RABL2A: variants seen among roughly 807,000 people sequenced by gnomAD.
The protein encoded by RABL2A is RAB, member of RAS oncogene family like 2A.
In RABL2A, 17 loss-of-function variants were observed where a neutral mutation model predicts 30.7. The observed-to-expected ratio is 0.55, with a 90% CI of 0.38 to 0.83. The LOEUF is 0.83. Ranked by LOEUF, RABL2A falls within the 40% of genes least tolerant of loss-of-function variation. The pLI is 0.00. For synonymous variants in RABL2A, 64 were observed against 101.8 expected, an observed-to-expected ratio of 0.63 and a Z score of 2.24; for missense variants, 155 against 272.6, an observed-to-expected ratio of 0.57 and a Z score of 3.04.
intron 4 of RABL2A, 55 bp from the exon 5 acceptor site, chr2:113,634,996 G>A: frequency 2.5e-6 from 4 of 1,613,738 alleles, no homozygotes; most frequent in Non-Finnish European, 3.4e-6. Context: ...TTGTATCTTA[G>A]TGACTTGCAC....
intron 2 of RABL2A, among the ~76,000 whole-genome samples, chr2:113,630,422 G>T (rs1186260308): frequency 1.3e-5 from 2 of 152,162 alleles, no homozygotes; most frequent in Non-Finnish European, 2.9e-5. Context: ...GCTGTGGTGA[G>T]CTATGATTGT....
chr2:113,628,856 C>G (rs563364517), intron 2 of RABL2A, 143 bp downstream of exon 2: 4 of 1,535,580 alleles, frequency 2.6e-6, no homozygotes, highest in African/African-American at 2.7e-5. Context: ...CATGGGGGAA[C>G]GAGGGGAATC....
chr2:113,634,937 G>T (rs1681949154), intron 4 of RABL2A, 114 bp from the exon 5 acceptor site: 2 of 973,874 alleles, frequency 2.1e-6, no homozygotes, highest in Admixed American at 3.9e-5. Context: ...TTCTCCCTGT[G>T]CTCCCCATGT....
intron 2 of RABL2A, among the ~76,000 whole-genome samples, chr2:113,630,808 C>T (rs1680028619): frequency 6.6e-6 from 1 of 152,150 alleles, no homozygotes; most frequent in Non-Finnish European, 1.5e-5. Flanking sequence ...TCCTGAGCTG[C>T]CATTACAGGT....
rs2084245 is a variant in RABL2A at position 113,630,818 on chromosome 2, T to C, written c.108-2097T>C. ...CACCTTCCTGAGCTGCCATTACAGG[T>C]GTGAGCCACTGCACCCGACCAGATT... On this transcript the variant is annotated intron_variant, in intron 2 of 8. Transcript: ENST00000683472. Among the ~76,000 whole-genome samples, 846 of 152,132 alleles carry C rather than the reference T, an allele frequency of 5.6e-3. 8 individuals carry two copies. Among genetic ancestry groups the C allele is most frequent in the African/African-American group, 0.019 (784 of 41,478 alleles).
rs1026868693 is a variant in RABL2A at position 113,643,088 on chromosome 2, G to T, written c.*959G>T. 3 of 449,972 alleles carry T rather than the reference G, an allele frequency of 6.7e-6. No individual in the cohort carries two copies. Among genetic ancestry groups the T allele is most frequent in the Non-Finnish European group, 1.3e-5 (3 of 225,242 alleles). 27.9% of individuals were successfully genotyped at this position (449,972 alleles called of 1,614,324 possible). ...TTAGGAATACACAAGCGGTAAAATC[G>T]AGTCCTTACAGCCATACCACAAGGT... is the stretch of plus-strand genomic sequence containing the variant. On this transcript the variant is annotated 3_prime_UTR_variant, in exon 9 of 9. Transcript: ENST00000683472.
chr2:113,642,371 A>T lies in RABL2A; in HGVS notation c.*242A>T, dbSNP rs891762323. On this transcript the variant is annotated 3_prime_UTR_variant, in exon 9 of 9. Transcript: ENST00000683472. ...TGAAGCAGAATTAGGGATCAGCATC[A>T]TTAACACCTTCCCCACCCCCTCCCC... The T allele has an allele frequency of 8.6e-6, 8 of 932,432 alleles. No homozygotes were observed. The highest frequency in any genetic ancestry group is 1.8e-5 in the South Asian group (1 of 55,278). 57.8% of individuals were successfully genotyped at this position (932,432 alleles called of 1,614,324 possible). A position where few individuals can be genotyped will look rare whatever the true frequency, so the allele number is the denominator to read the frequency against.
At chr2:113,636,804 C>T (rs867494147) in intron 5 of RABL2A, among the ~76,000 whole-genome samples, 402 of 152,006 alleles carry the variant, frequency 2.6e-3, no homozygotes, top group African/African-American at 6.9e-3. Flanking sequence ...CTGGCTAACA[C>T]AGTGAAACCC....
intron 3 of RABL2A, 142 bp from the exon 4 acceptor site, chr2:113,634,011 G>A: frequency 4.2e-6 from 6 of 1,441,656 alleles, no homozygotes; most frequent in Non-Finnish European, 5.6e-6. Flanking sequence ...TCCTCTGTCT[G>A]CAACATTCAT....
intron 5 of RABL2A, chr2:113,637,435 G>C (rs1165114369): frequency 1.8e-6 from 2 of 1,096,500 alleles, no homozygotes; most frequent in African/African-American, 3.2e-5. Context: ...CAGGATGCTG[G>C]GAATGCCCAG....
chr2:113,638,153 T>C, intron 5 of RABL2A: 3 of 985,444 alleles, frequency 3.0e-6, no homozygotes, highest in Non-Finnish European at 3.6e-6. Flanking sequence ...TCCAGAAGTT[T>C]AGTTACAGAC....
rs1410300706 is a variant in RABL2A, at chr2:113,635,121, C to T, written c.288C>T (p.Ala96=). Residue 96 remains alanine (A), a synonymous_variant, in exon 5 of 9, where the codon GCC becomes GCT. Transcript: ENST00000683472. ...CCTCCTACTACCACAAGGCCCATGC[C>T]TGCATCATGGTACGAGACGGTGGGG... ...MHASYYHKAH[A]CIMVFDIQRK... is the part of the protein sequence containing the mutation. 6.2e-7 allele frequency: 1 copy of T among 1,614,086 alleles called. No individual in the cohort carries two copies. The highest frequency in any genetic ancestry group is 1.3e-5 in the African/African-American group (1 of 74,924).
In RABL2A at chr2:113,630,423, C is replaced by A. The variant is rs71416536; in HGVS notation, c.107+1710C>A. On this transcript the variant is annotated intron_variant, in intron 2 of 8. Transcript: ENST00000683472. ...GGTTGACACATCAGGCTGTGGTGAG[C>A]TATGATTGTGCCACTGCACTCTAGC... Among the ~76,000 whole-genome samples, 774 of 152,232 alleles carry A rather than the reference C, an allele frequency of 5.1e-3. 4 individuals carry two copies. Among genetic ancestry groups the A allele is most frequent in the Non-Finnish European group, 7.2e-3 (487 of 68,014 alleles).
rs746898109 is a variant in RABL2A, at chr2:113,640,934, G to T, written c.338G>T (p.Ser113Ile). 6 of 1,613,834 alleles carry T rather than the reference G, an allele frequency of 3.7e-6. No homozygotes were observed. Among genetic ancestry groups the T allele is most frequent in the Non-Finnish European group, 5.1e-6 (6 of 1,179,844 alleles). ...AGGAAAGTCACCTATAGGAACCTGAGCACCTGGTATACAGAGCTTCGGGAG... is the reference window on the plus strand; with the variant it reads ...AGGAAAGTCACCTATAGGAACCTGATCACCTGGTATACAGAGCTTCGGGAG... Reference protein sequence around the residue: ...IQRKVTYRNLSTWYTELREFR... With the variant: ...IQRKVTYRNLITWYTELREFR... The change falls in exon 6 of 9, where the codon AGC becomes ATC. Residue 113 changes from serine (S) to isoleucine (I), a missense_variant. By Grantham distance (142) the Ser-to-Ile change is moderately radical (BLOSUM62 -2). Coordinates refer to ENST00000683472, the MANE Select transcript of RABL2A (RefSeq NM_001306158.2).
chr2:113,642,098 C>T lies in RABL2A; in HGVS notation c.659C>T (p.Pro220Leu), dbSNP rs148857018. ...DQEQSSSIET[P>L]SEEVASPHS ...GAACAGAGCAGCAGCATCGAGACCC[C>T]ATCAGAGGAGGTGGCCTCTCCCCAC... Residue 220 changes from proline to leucine, a missense_variant, in exon 9 of 9, where the codon CCA becomes CTA. By Grantham distance (98) the Pro-to-Leu change is moderately conservative. Coordinates refer to ENST00000683472, the MANE Select transcript of RABL2A (RefSeq NM_001306158.2). The T allele has an allele frequency of 1.2e-6, 2 of 1,613,542 alleles. No homozygotes were observed. The highest frequency in any genetic ancestry group is 2.7e-5 in the African/African-American group (2 of 74,672).
intron 5 of RABL2A, among the ~76,000 whole-genome samples, chr2:113,639,516 G>A (rs1458428198): frequency 3.0e-4 from 45 of 151,438 alleles, no homozygotes; most frequent in African/African-American, 1.0e-3. Context: ...CAGCTACTCC[G>A]GAGGCTGAGA....
At position 113,634,423 on chromosome 2, in the gene RABL2A, G is replaced by A. The variant is rs1681670176; in HGVS notation, c.217+191G>A. ...GTGGAAGGGGGCACGCAGGGGCCAA[G>A]TCCCAGCCCTCTGACCTGGCGTCCA... On this transcript the variant is annotated intron_variant, in intron 4 of 8. Coordinates refer to ENST00000683472, the MANE Select transcript of RABL2A (RefSeq NM_001306158.2). The A allele has an allele frequency of 4.3e-6, 3 of 698,400 alleles. No homozygotes were observed. In the East Asian group the frequency reaches 8.4e-5, roughly 19 times the overall value. The allele number at this position is 698,400 out of a possible 1,614,324, so 43.3% of individuals were successfully genotyped here.
intron 2 of RABL2A, among the ~76,000 whole-genome samples, chr2:113,632,545 C>T (rs1175809367): frequency 3.3e-5 from 5 of 152,346 alleles, no homozygotes; most frequent in Middle Eastern, 3.4e-3. Context: ...GGATTACAGG[C>T]GTGAGCCACC....
chr2:113,639,484 T>C (rs1260986128), intron 5 of RABL2A, among the ~76,000 whole-genome samples: 2 of 151,706 alleles, frequency 1.3e-5, no homozygotes, highest in African/African-American at 4.8e-5. Context: ...TAGCCAGGCA[T>C]GGTGGTGCGC....
Sources: gnomAD v4.1 joint callset for allele counts (sites outside exome capture counted in the v4.1 genomes callset) on GRCh38, gnomAD v4.1.1 for gene constraint, MANE v1.5 for transcripts, NCBI Gene and HGNC (gene_info 2026-07-23, HGNC 2026-07-21) for gene names.